The following PRKAG2 variants were observed in gnomAD, a reference collection of about 807,000 sequenced individuals.
PRKAG2 encodes protein kinase AMP-activated non-catalytic subunit gamma 2, also known as 5'-AMP-activated protein kinase subunit gamma-2.
In PRKAG2, 26 loss-of-function variants were observed where a neutral mutation model predicts 69.6. The ratio of observed to expected loss-of-function variants is 0.37; its 90% CI spans 0.27 to 0.52. The LOEUF is 0.52. Ranked by LOEUF, PRKAG2 falls within the 20% of genes least tolerant of loss-of-function variation. The probability of loss-of-function intolerance (pLI) is 0.90; values close to 1 mark genes in which losing one functional copy is unlikely to be tolerated. For missense variants in PRKAG2, 557 were observed against 740.0 expected (o/e 0.75, Z 2.87); for synonymous variants, 293 against 285.0 (o/e 1.03, Z -0.28).
At chr7:151,669,890 A>ACACACACCTGCATGCACATACCTGCACG (rs1831641796) in intron 4 of PRKAG2, among the ~76,000 whole-genome samples, 1 of 150,850 alleles carries the variant, frequency 6.6e-6, no homozygotes, top group Admixed American at 6.6e-5. Flanking sequence ...AGTTGCATGC[A>ACACACACCTGCATGCACATACCTGCACG]CACACACCTG....
intron 6 of PRKAG2, among the ~76,000 whole-genome samples, chr7:151,579,553 A>T (rs1368425344): frequency 1.3e-5 from 2 of 152,206 alleles, no homozygotes; most frequent in African/African-American, 4.8e-5. Flanking sequence ...CCTGGAGTGC[A>T]TCAACACGGG....
At chr7:151,702,877 T>TGGAATGCCAGAAGCTG (rs1215149441) in intron 3 of PRKAG2, among the ~76,000 whole-genome samples, 1 of 152,182 alleles carries the variant, frequency 6.6e-6, no homozygotes, top group Non-Finnish European at 1.5e-5. Context: ...ACTGTAGGTC[T>TGGAATGCCAGAAGCTG]GGAATGCCAG....
chr7:151,670,754 A>C (rs1798381515), intron 4 of PRKAG2, among the ~76,000 whole-genome samples: 1 of 152,244 alleles, frequency 6.6e-6, no homozygotes, highest in South Asian at 2.1e-4. Flanking sequence ...CAAATGGTAA[A>C]TAAAACAAAC....
chr7:151,692,686 C>T (rs1310436905), intron 3 of PRKAG2, among the ~76,000 whole-genome samples: 2 of 152,138 alleles, frequency 1.3e-5, no homozygotes, highest in Non-Finnish European at 1.5e-5. Context: ...GAAGCAGGTG[C>T]TTTTCCCCTG....
chr7:151,807,613 C>T lies in PRKAG2; in HGVS notation c.115-21072G>A, dbSNP rs994246631. ...GTAGGAAGAATGATTCGTTTGCCACCAAAAGCCCAGTTTCTCCAACAGGTA... is the reference window on the plus strand; with the variant it reads ...GTAGGAAGAATGATTCGTTTGCCACTAAAAGCCCAGTTTCTCCAACAGGTA... On this transcript the variant is annotated intron_variant, in intron 1 of 15. Transcript: ENST00000287878. This position sits in a 1 kb window ranked among gnomAD's most constrained non-coding sequence, Gnocchi z 4.4. The T allele has an allele frequency of 6.6e-6, 3 of 457,786 alleles. No homozygotes were observed. The highest frequency in any genetic ancestry group is 4.0e-5 in the African/African-American group (2 of 50,196). The allele number at this position is 457,786 out of a possible 1,614,324, so 28.4% of individuals were successfully genotyped here.
intron 2 of PRKAG2, among the ~76,000 whole-genome samples, chr7:151,783,096 CCACTAGA>C (rs2076808787): frequency 6.6e-6 from 1 of 152,210 alleles, no homozygotes; most frequent in East Asian, 1.9e-4. Flanking sequence ...CGTTCTTCCG[CCACTAGA>C]GGGCGGCCCA....
chr7:151,657,233 G>T (rs995396243), intron 4 of PRKAG2, among the ~76,000 whole-genome samples: 26 of 152,152 alleles, frequency 1.7e-4, no homozygotes, highest in African/African-American at 5.8e-4. Context: ...TGACCATAGT[G>T]TATATAAAAT....
At chr7:151,827,918 G>A (rs1007100322) in intron 1 of PRKAG2, among the ~76,000 whole-genome samples, 5 of 152,166 alleles carry the variant, frequency 3.3e-5, no homozygotes, top group African/African-American at 1.2e-4. Flanking sequence ...GCTTCCCTGG[G>A]TTCCAGCTTC....
rs867765638 is a variant in PRKAG2, at chr7:151,575,054, T to G, written c.947-105A>C. 16 of 1,454,434 alleles carry G rather than the reference T, an allele frequency of 1.1e-5. No homozygotes were observed. In the South Asian group the frequency reaches 2.0e-4, roughly 18 times the overall value. The allele number at this position is 1,454,434 out of a possible 1,614,324, so 90.1% of individuals were successfully genotyped here. ...ATATGCTAGAAGAGCTTATAAAATA[T>G]ACTTCGAAGATATCAAGCAGAGTTT... On this transcript the variant is annotated intron_variant, in intron 7 of 15. Coordinates refer to ENST00000287878, the MANE Select transcript of PRKAG2 (RefSeq NM_016203.4).
intron 5 of PRKAG2, among the ~76,000 whole-genome samples, chr7:151,623,321 G>A (rs557269930): frequency 3.9e-4 from 48 of 123,488 alleles, no homozygotes; most frequent in African/African-American, 1.2e-3. Flanking sequence ...CCGAGATTGC[G>A]CCACTGCACT....
chr7:151,755,048 C>A (rs987314445), intron 3 of PRKAG2, among the ~76,000 whole-genome samples: 1 of 152,076 alleles, frequency 6.6e-6, no homozygotes, highest in Non-Finnish European at 1.5e-5. Context: ...CCCGTGAAGC[C>A]CCGACAGAGA....
At chr7:151,563,104 C>A (rs973869935) in intron 14 of PRKAG2, among the ~76,000 whole-genome samples, 1 of 152,150 alleles carries the variant, frequency 6.6e-6, no homozygotes, top group South Asian at 2.1e-4. Context: ...CTGAGTCAAA[C>A]TTATGTATGT....
rs2151134876 is a variant in PRKAG2, at chr7:151,595,429, A to T, written c.780T>A (p.Val260=). 6.2e-7 allele frequency: 1 copy of T among 1,613,980 alleles called. No homozygotes were observed. The change falls in exon 6 of 16, where the codon GTT becomes GTA. Residue 260 remains valine (V), a synonymous_variant. Transcript: ENST00000287878. Reference sequence around the variant, plus strand: ...TGTGTGACCTCATGAATCGCATGTAAACACCACTTTCTGAGTCTTCTACTG... The same window carrying T: ...TGTGTGACCTCATGAATCGCATGTATACACCACTTTCTGAGTCTTCTACTG... ...DEAVEDSESG[V]YMRFMRSHKC...
intron 1 of PRKAG2, among the ~76,000 whole-genome samples, chr7:151,813,374 C>A (rs1404796136): frequency 1.3e-5 from 2 of 151,972 alleles, no homozygotes; most frequent in Non-Finnish European, 2.9e-5. Context: ...ATCAAGCCTC[C>A]CCCCAGGAGG....
chr7:151,669,291 AATC>A (rs1380316721), intron 4 of PRKAG2, among the ~76,000 whole-genome samples: 1 of 152,158 alleles, frequency 6.6e-6, no homozygotes, highest in Non-Finnish European at 1.5e-5. Flanking sequence ...TTTATCCCTT[AATC>A]ATCAACTCAC....
At chr7:151,841,707 G>GAT (rs768074465) in intron 1 of PRKAG2, among the ~76,000 whole-genome samples, 4 of 46,722 alleles carry the variant, frequency 8.6e-5, no homozygotes, top group Admixed American at 2.2e-4. Context: ...TGGTAGGTGG[G>GAT]GATGGTAGTG....
At chr7:151,686,044 C>T (rs1056493391) in intron 3 of PRKAG2, among the ~76,000 whole-genome samples, 1 of 152,144 alleles carries the variant, frequency 6.6e-6, no homozygotes, top group Non-Finnish European at 1.5e-5. Context: ...GTCCCTGTCC[C>T]CACTGAGTCT....
chr7:151,782,371 G>GGGAGGGAGGGAAGGAA (rs1563663405), intron 2 of PRKAG2, among the ~76,000 whole-genome samples: 3 of 21,984 alleles, frequency 1.4e-4, no homozygotes, highest in African/African-American at 3.5e-4. Flanking sequence ...GAGGGAGGGA[G>GGGAGGGAGGGAAGGAA]GGAAGGAAAG....
chr7:151,712,998 G>T (rs1228308805), intron 3 of PRKAG2, among the ~76,000 whole-genome samples: 1 of 152,236 alleles, frequency 6.6e-6, no homozygotes. Flanking sequence ...CAAGAGCAGA[G>T]GGGCGTGAGC....
Sources: gnomAD v4.1 joint callset for allele counts (sites outside exome capture counted in the v4.1 genomes callset) on GRCh38, gnomAD v4.1.1 for gene constraint, Gnocchi (gnomAD v3.1) non-coding constraint, MANE v1.5 for transcripts, NCBI Gene and HGNC (gene_info 2026-07-23, HGNC 2026-07-21) for gene names.